PRKCH: variants seen among roughly 807,000 people sequenced by gnomAD.
PRKCH encodes protein kinase C eta.
In PRKCH, 28 loss-of-function variants were observed where a neutral mutation model predicts 82.5. The observed-to-expected ratio is 0.34, with a 90% CI of 0.25 to 0.47. PRKCH has a LOEUF of 0.47. Ranked by LOEUF, PRKCH falls within the 20% of genes least tolerant of loss-of-function variation. PRKCH has a pLI of 1.00. For synonymous variants in PRKCH, 322 were observed against 327.4 expected (o/e 0.98, Z 0.18); for missense variants, 705 against 881.8 (o/e 0.80, Z 2.54).
At chr14:61,335,378 A>G (rs764311114) in intron 1 of PRKCH, among the ~76,000 whole-genome samples, 7 of 152,316 alleles carry the variant, frequency 4.6e-5, no homozygotes, top group Non-Finnish European at 7.4e-5. Context: ...TTTGTTTTCT[A>G]TGGACTCATA....
intron 1 of PRKCH, among the ~76,000 whole-genome samples, chr14:61,370,539 A>G (rs1166962452): frequency 6.6e-6 from 1 of 152,114 alleles, no homozygotes. Context: ...AACCTGCTCC[A>G]AATCTTTGTA....
rs79723571 is a variant in PRKCH at position 61,532,170 on chromosome 14, C to T, written c.1761+1575C>T. Among the ~76,000 whole-genome samples, 1,435 of 151,580 alleles carry T rather than the reference C, an allele frequency of 9.5e-3. 27 individuals carry two copies. Among genetic ancestry groups the T allele is most frequent in the African/African-American group, 0.033 (1,377 of 41,368 alleles). On this transcript the variant is annotated intron_variant, in intron 12 of 13. Transcript: ENST00000332981. ...ATGCTCCACATATTTAGTCCAATTA[C>T]TGTAGCTGATTTAGTAGTTTTAATA...
chr14:61,547,222 CT>C (rs1361544110), intron 12 of PRKCH, among the ~76,000 whole-genome samples: 1 of 151,542 alleles, frequency 6.6e-6, no homozygotes, highest in African/African-American at 2.4e-5. Context: ...GGACACAGAC[CT>C]TTTCAGTATG....
At chr14:61,548,598 G>A (rs1441512667) in intron 13 of PRKCH, among the ~76,000 whole-genome samples, 1 of 152,168 alleles carries the variant, frequency 6.6e-6, no homozygotes, top group East Asian at 1.9e-4. Context: ...GGTGGCTCAT[G>A]CCTATAATCC....
chr14:61,336,010 C>T (rs550275334), intron 1 of PRKCH, among the ~76,000 whole-genome samples: 1 of 152,296 alleles, frequency 6.6e-6, no homozygotes, highest in South Asian at 2.1e-4. Context: ...CTCTCATCCA[C>T]AACACAGTAC....
chr14:61,461,450 C>T (rs916398175), intron 9 of PRKCH, among the ~76,000 whole-genome samples: 6 of 152,168 alleles, frequency 3.9e-5, no homozygotes, highest in Admixed American at 2.0e-4. Flanking sequence ...TGAGTCAAGC[C>T]GCAGAGCCAG....
chr14:61,349,560 G>A (rs2046043312), intron 1 of PRKCH, among the ~76,000 whole-genome samples: 1 of 152,152 alleles, frequency 6.6e-6, no homozygotes, highest in Admixed American at 6.6e-5. Context: ...AAATGGGGAG[G>A]AATGCTTGTC....
intron 1 of PRKCH, among the ~76,000 whole-genome samples, chr14:61,325,913 AGT>A (rs912441814): frequency 4.6e-5 from 7 of 152,206 alleles, no homozygotes; most frequent in African/African-American, 1.7e-4. Context: ...ATGAGATCTC[AGT>A]ATGTTCCCAC....
intron 1 of PRKCH, among the ~76,000 whole-genome samples, chr14:61,334,654 C>A (rs562437480): frequency 1.3e-5 from 2 of 152,228 alleles, no homozygotes; most frequent in Non-Finnish European, 2.9e-5. Flanking sequence ...TCAGAAAGCT[C>A]GGGGCATTGT....
chr14:61,218,086 T>A (rs964278435), intron 1 of PRKCH, among the ~76,000 whole-genome samples: 2 of 152,218 alleles, frequency 1.3e-5, no homozygotes, highest in Admixed American at 1.3e-4. Context: ...TGACTTCTCT[T>A]TCATTTCTAT....
At chr14:61,485,751 C>A in intron 10 of PRKCH, 95 bp downstream of exon 10, 2 of 1,422,982 alleles carry the variant, frequency 1.4e-6, no homozygotes, top group Non-Finnish European at 1.9e-6. Flanking sequence ...TCAGTTGAAA[C>A]CTTTTTTGGA....
chr14:61,381,996 C>A (rs1354847100), intron 1 of PRKCH, among the ~76,000 whole-genome samples: 1 of 152,204 alleles, frequency 6.6e-6, no homozygotes, highest in Non-Finnish European at 1.5e-5. Flanking sequence ...AATTCAGTAA[C>A]CTCACTGAGC....
chr14:61,506,082 A>G (rs1318080026), intron 10 of PRKCH, among the ~76,000 whole-genome samples: 1 of 152,136 alleles, frequency 6.6e-6, no homozygotes, highest in Non-Finnish European at 1.5e-5. Flanking sequence ...GGCCTGGTTC[A>G]GTCTTACATT....
chr14:61,303,142 C>T (rs769056532), intron 1 of PRKCH: 7 of 151,824 alleles, frequency 4.6e-5, no homozygotes, highest in Admixed American at 3.3e-4. Context: ...CCCAGCCTCT[C>T]GAGTAGCTAC....
At chr14:61,512,942 A>G (rs11158351) in intron 10 of PRKCH, among the ~76,000 whole-genome samples, 17,990 of 152,086 alleles carry the variant, frequency 0.12, 1,284 homozygotes, top group South Asian at 0.26. Flanking sequence ...TCAGTCTCCC[A>G]AGTAGCTGGG....
intron 12 of PRKCH, among the ~76,000 whole-genome samples, chr14:61,537,295 C>T (rs913827026): frequency 3.9e-5 from 6 of 152,132 alleles, no homozygotes; most frequent in Admixed American, 2.0e-4. Flanking sequence ...AGGCATATGA[C>T]GATGACACAC....
chr14:61,258,984 T>C (rs769317202), intron 1 of PRKCH, among the ~76,000 whole-genome samples: 1 of 152,254 alleles, frequency 6.6e-6, no homozygotes, highest in Non-Finnish European at 1.5e-5. Flanking sequence ...ATTCTATTTT[T>C]ATTTCACTTT....
At chr14:61,357,919 C>T (rs2046173013) in intron 1 of PRKCH, among the ~76,000 whole-genome samples, 2 of 152,132 alleles carry the variant, frequency 1.3e-5, no homozygotes, top group Admixed American at 1.3e-4. Context: ...CCAGTGATTC[C>T]CATGTCTCTG....
chr14:61,370,614 T>C (rs2046353607), intron 1 of PRKCH, among the ~76,000 whole-genome samples: 1 of 152,130 alleles, frequency 6.6e-6, no homozygotes. Flanking sequence ...CAGAGTGTAA[T>C]GGGCACAATA....
Sources: gnomAD v4.1 joint callset for allele counts (sites outside exome capture counted in the v4.1 genomes callset) on GRCh38, gnomAD v4.1.1 for gene constraint, MANE v1.5 for transcripts, NCBI Gene and HGNC (gene_info 2026-07-23, HGNC 2026-07-21) for gene names.